The following CAV1 variants were observed in gnomAD, a reference collection of about 807,000 sequenced individuals.
CAV1 encodes caveolin-1.
CAV1 carries 10 observed loss-of-function variants against 16.5 expected under a neutral mutation model. That is an observed-to-expected ratio of 0.61 (90% confidence interval 0.37 to 1.03). CAV1 has a LOEUF of 1.03. Among genes scored for constraint, CAV1 ranks in the 50% least tolerant of loss-of-function variants. CAV1 has a pLI of 0.01. For synonymous variants in CAV1, 76 were observed against 85.1 expected (o/e 0.89, Z 0.59); for missense variants, 212 against 232.8 (o/e 0.91, Z 0.58).
chr7:116,530,631 CA>C (rs1793669702), intron 2 of CAV1, among the ~76,000 whole-genome samples: 1 of 152,066 alleles, frequency 6.6e-6, no homozygotes, highest in African/African-American at 2.4e-5. Context: ...GGCAAAAGCA[CA>C]GGAAGGCATT....
intron 2 of CAV1, among the ~76,000 whole-genome samples, chr7:116,536,294 G>A (rs1032633078): frequency 2.8e-5 from 4 of 142,390 alleles, no homozygotes; most frequent in Non-Finnish European, 5.9e-5. Flanking sequence ...AACCATTTAT[G>A]TGCATGGTGC....
intron 2 of CAV1, among the ~76,000 whole-genome samples, chr7:116,529,976 C>CT (rs1363495060): frequency 5.9e-5 from 9 of 152,106 alleles, no homozygotes; most frequent in African/African-American, 2.2e-4. Context: ...AATAAAATGG[C>CT]TTCAAATCTA....
chr7:116,550,774 A>T (rs186959331), intron 2 of CAV1, among the ~76,000 whole-genome samples: 6 of 152,218 alleles, frequency 3.9e-5, no homozygotes, highest in East Asian at 3.9e-4. Flanking sequence ...ATCTTTTTTT[A>T]AAAAAAGCGT....
chr7:116,544,389 C>T (rs959539100), intron 2 of CAV1, among the ~76,000 whole-genome samples: 2 of 152,090 alleles, frequency 1.3e-5, no homozygotes, highest in African/African-American at 2.4e-5. Context: ...ATTTATTCAA[C>T]AAATATTAAT....
chr7:116,527,488 T>C (rs987264771), intron 2 of CAV1, among the ~76,000 whole-genome samples: 2 of 152,222 alleles, frequency 1.3e-5, no homozygotes, highest in African/African-American at 2.4e-5. Context: ...TAAAAATAAT[T>C]GGACTGGGTT....
chr7:116,525,778 C>T, intron 1 of CAV1: 1 of 1,050,054 alleles, frequency 9.5e-7, no homozygotes, highest in South Asian at 3.7e-5. Context: ...TGGGAGTGCC[C>T]TGAGGGTGGG....
chr7:116,534,387 ATATATATATTT>A (rs1248549271), intron 2 of CAV1, among the ~76,000 whole-genome samples: 2 of 9,250 alleles, frequency 2.2e-4, no homozygotes, highest in South Asian at 8.2e-3. Context: ...ATATATATAT[ATATATATATTT>A]TTTTTTTTTT....
chr7:116,555,561 A>G (rs1794267136), intron 2 of CAV1, among the ~76,000 whole-genome samples: 2 of 85,804 alleles, frequency 2.3e-5, no homozygotes, highest in Non-Finnish European at 4.9e-5. Flanking sequence ...AGAAAGAAAG[A>G]AAGAAAGAAA....
intron 2 of CAV1, among the ~76,000 whole-genome samples, chr7:116,534,395 A>ATATATATATATATATATT (rs1442237865): frequency 1.3e-4 from 1 of 7,842 alleles, no homozygotes; most frequent in Admixed American, 2.3e-3. Context: ...ATATATATAT[A>ATATATATATATATATATT]TTTTTTTTTT....
chr7:116,558,306 TAA>T (rs1794332724), intron 2 of CAV1, among the ~76,000 whole-genome samples: 1 of 152,206 alleles, frequency 6.6e-6, no homozygotes, highest in African/African-American at 2.4e-5. Flanking sequence ...GGTTTTACTT[TAA>T]GTCAAGAAAT....
chr7:116,525,261 G>A, intron 1 of CAV1, 169 bp downstream of exon 1: 2 of 1,591,102 alleles, frequency 1.3e-6, no homozygotes, highest in Non-Finnish European at 1.7e-6. Context: ...GGGAGGTGAA[G>A]AGAAGCCAGG....
At chr7:116,551,093 G>A (rs966432025) in intron 2 of CAV1, among the ~76,000 whole-genome samples, 2 of 152,184 alleles carry the variant, frequency 1.3e-5, no homozygotes, top group African/African-American at 4.8e-5. Context: ...CTAGTCTTTT[G>A]CACGAGACAA....
In CAV1 at chr7:116,542,878, C is replaced by T. The variant is rs988774726; in HGVS notation, c.196-16068C>T. 7 of 152,104 alleles carry T rather than the reference C, an allele frequency of 4.6e-5. No individual in the cohort carries two copies. In the East Asian group the frequency reaches 7.7e-4, roughly 17 times the overall value. The allele number at this position is 152,104 out of a possible 1,614,324, so 9.4% of individuals were successfully genotyped here. On this transcript the variant is annotated intron_variant, in intron 2 of 2. Coordinates refer to ENST00000341049, the MANE Select transcript of CAV1 (RefSeq NM_001753.5). Reference sequence around the variant, plus strand: ...GCTGACAACATGCACTAGTTTTTTTCGAAATTATGCAGCAAAATTCCCAAA... The same window carrying T: ...GCTGACAACATGCACTAGTTTTTTTTGAAATTATGCAGCAAAATTCCCAAA...
At chr7:116,537,297 C>G (rs1793841175) in intron 2 of CAV1, among the ~76,000 whole-genome samples, 1 of 152,006 alleles carries the variant, frequency 6.6e-6, no homozygotes, top group Non-Finnish European at 1.5e-5. Flanking sequence ...TGAGATATCC[C>G]CTTTAAAGGG....
chr7:116,525,209 C>A, intron 1 of CAV1, 117 bp downstream of exon 1: 5 of 1,613,316 alleles, frequency 3.1e-6, no homozygotes, highest in Non-Finnish European at 4.2e-6. Context: ...CACTTCGGAG[C>A]ACTCCTCTGG....
At chr7:116,546,761 A>C (rs183307122) in intron 2 of CAV1, among the ~76,000 whole-genome samples, 11 of 151,834 alleles carry the variant, frequency 7.2e-5, no homozygotes, top group African/African-American at 2.2e-4. Flanking sequence ...AGAAATCCCA[A>C]ATCCTATCCC....
chr7:116,539,524 G>T (rs1793894642), intron 2 of CAV1, among the ~76,000 whole-genome samples: 1 of 151,860 alleles, frequency 6.6e-6, no homozygotes, highest in Non-Finnish European at 1.5e-5. Flanking sequence ...GTCCCTATTG[G>T]CCATATTTGA....
In CAV1 at chr7:116,533,372, TAAAATAAAATAAAATAAAATA is replaced by T. The variant is rs1208749404; in HGVS notation, c.195+6687_195+6707del. On this transcript the variant is annotated intron_variant, in intron 2 of 2. Coordinates refer to ENST00000341049, the MANE Select transcript of CAV1 (RefSeq NM_001753.5). ...ATAAATAAAATAAAATAAAATAAAATAAAATAAAATAAAATAAAATAAAATAAAATAAAATAAAAATAAAAT... is the reference window on the plus strand; with the variant it reads ...ATAAATAAAATAAAATAAAATAAAATAAATAAAATAAAATAAAAATAAAAT... Among the ~76,000 whole-genome samples, 411 of 93,592 alleles carry T rather than the reference TAAAATAAAATAAAATAAAATA, an allele frequency of 4.4e-3. 3 individuals are homozygous for T. Among genetic ancestry groups the T allele is most frequent in the African/African-American group, 0.015 (379 of 25,910 alleles). The allele number at this position is 93,592 out of a possible 152,430, so 61.4% of individuals were successfully genotyped here. A position where few individuals can be genotyped will look rare whatever the true frequency, so the allele number is the denominator to read the frequency against.
intron 2 of CAV1, among the ~76,000 whole-genome samples, chr7:116,534,859 T>A (rs1793775404): frequency 6.6e-6 from 1 of 152,192 alleles, no homozygotes; most frequent in Admixed American, 6.5e-5. Context: ...TGATTCTACC[T>A]GAAGAGAGCA....
Sources: allele counts gnomAD v4.1 joint callset (sites outside exome capture counted in the v4.1 genomes callset), GRCh38; gene constraint gnomAD v4.1.1; transcripts MANE v1.5; gene names NCBI Gene and HGNC (gene_info 2026-07-23, HGNC 2026-07-21).